Variants in AFG2A observed in about 807,000 individuals in gnomAD.
AFG2A encodes ATPase family gene 2 protein homolog A.
At chr4:122,977,560 C>G in the AFG2A span, among the ~76,000 whole-genome samples, 1 of 152,228 alleles carries the variant, frequency 6.6e-6, no homozygotes. Context: ...TATCACAGCT[C>G]TGATCACAGC....
At chr4:123,193,872 C>T in the AFG2A span, among the ~76,000 whole-genome samples, 3 of 152,064 alleles carry the variant, frequency 2.0e-5, no homozygotes, top group Non-Finnish European at 4.4e-5. Context: ...CTAAATCATT[C>T]TTGAAAACAG....
chr4:123,113,738 G>A, the AFG2A span, among the ~76,000 whole-genome samples: 1 of 152,200 alleles, frequency 6.6e-6, no homozygotes, highest in Admixed American at 6.5e-5. Context: ...GTGGCCAGTG[G>A]CGCCTTTGCC....
At chr4:123,277,561 A>G in the AFG2A span, among the ~76,000 whole-genome samples, 2 of 152,108 alleles carry the variant, frequency 1.3e-5, no homozygotes, top group Non-Finnish European at 2.9e-5. Flanking sequence ...GCTGTTTTTC[A>G]AGGAGAATGC....
At chr4:123,175,266 G>A in the AFG2A span, among the ~76,000 whole-genome samples, 4 of 152,006 alleles carry the variant, frequency 2.6e-5, no homozygotes, top group African/African-American at 4.8e-5. Flanking sequence ...ATAAGCAGAC[G>A]AGATAAATAT....
the AFG2A span, chr4:122,933,562 TC>T: frequency 7.7e-7 from 1 of 1,305,416 alleles, no homozygotes; most frequent in Non-Finnish European, 1.1e-6. Flanking sequence ...AAATAAAGTG[TC>T]TTTGAGGGCT....
chr4:123,133,369 C>G, the AFG2A span, among the ~76,000 whole-genome samples: 1 of 152,172 alleles, frequency 6.6e-6, no homozygotes, highest in South Asian at 2.1e-4. Flanking sequence ...TCTTGTGCAT[C>G]TGGCTAGCTG....
the AFG2A span, among the ~76,000 whole-genome samples, chr4:123,134,595 ATTTT>A: frequency 1.4e-4 from 18 of 132,692 alleles, no homozygotes; most frequent in South Asian, 1.7e-3. Flanking sequence ...GAATTTTAGG[ATTTT>A]TTTTTTTTTT....
the AFG2A span, among the ~76,000 whole-genome samples, chr4:123,076,778 T>C: frequency 5.1e-4 from 78 of 152,270 alleles, 1 homozygote; most frequent in Non-Finnish European, 8.7e-4. Flanking sequence ...ACACTGTCTT[T>C]AGCCTTATTT....
At chr4:123,089,311 T>G in the AFG2A span, among the ~76,000 whole-genome samples, 2 of 152,240 alleles carry the variant, frequency 1.3e-5, no homozygotes, top group Admixed American at 1.3e-4. Flanking sequence ...GAGGTGTGTT[T>G]CTTTGTCACA....
chr4:123,150,885 TA>T, the AFG2A span, among the ~76,000 whole-genome samples: 1 of 152,112 alleles, frequency 6.6e-6, no homozygotes, highest in Admixed American at 6.5e-5. Context: ...AAGGCTACAG[TA>T]ACCAAAGCAG....
At chr4:123,301,965 C>T in the AFG2A span, among the ~76,000 whole-genome samples, 1 of 152,132 alleles carries the variant, frequency 6.6e-6, no homozygotes, top group African/African-American at 2.4e-5. Context: ...ACCAGAGTCC[C>T]AAACTAGACT....
At chr4:123,259,013 C>T in the AFG2A span, among the ~76,000 whole-genome samples, 3 of 151,644 alleles carry the variant, frequency 2.0e-5, no homozygotes, top group Non-Finnish European at 4.4e-5. Flanking sequence ...ATTACAGGCA[C>T]CCACCACCAC....
At chr4:123,311,625 CAAAAAAAAAAAAAAAAA>C in the AFG2A span, among the ~76,000 whole-genome samples, 8 of 92,210 alleles carry the variant, frequency 8.7e-5, no homozygotes, top group African/African-American at 1.8e-4. Context: ...GACTCTGTCT[CAAAAAAAAAAAAAAAAA>C]AAAAAAAAAA....
At chr4:123,113,716 C>T in the AFG2A span, among the ~76,000 whole-genome samples, 3 of 152,180 alleles carry the variant, frequency 2.0e-5, no homozygotes, top group African/African-American at 7.2e-5. Context: ...GCTTTTCTGA[C>T]CAGCAACCTC....
chr4:123,040,434 T>C, the AFG2A span, among the ~76,000 whole-genome samples: 4 of 152,184 alleles, frequency 2.6e-5, no homozygotes, highest in African/African-American at 9.6e-5. Context: ...GAATTTTTCA[T>C]TTTTAAAGGG....
At chr4:122,962,458 T>C in the AFG2A span, among the ~76,000 whole-genome samples, 2 of 152,222 alleles carry the variant, frequency 1.3e-5, no homozygotes, top group Non-Finnish European at 2.9e-5. Flanking sequence ...AGAGATGGAA[T>C]TATTTTTATC....
chr4:123,159,608 A>G, the AFG2A span, among the ~76,000 whole-genome samples: 8,717 of 152,218 alleles, frequency 0.057, 848 homozygotes, highest in African/African-American at 0.2. Flanking sequence ...GGGAAGAAGC[A>G]GAGTAGAGGT....
At chr4:123,004,771 T>G in the AFG2A span, among the ~76,000 whole-genome samples, 1 of 152,204 alleles carries the variant, frequency 6.6e-6, no homozygotes, top group Non-Finnish European at 1.5e-5. Context: ...TTAGTTTTTA[T>G]TTGTTGGAAG....
the AFG2A span, among the ~76,000 whole-genome samples, chr4:122,923,726 G>T: frequency 6.6e-6 from 1 of 152,150 alleles, no homozygotes; most frequent in Admixed American, 6.5e-5. Flanking sequence ...TTTTCTTCCA[G>T]TACTACGCAG....
Sources: allele counts gnomAD v4.1 joint callset (sites outside exome capture counted in the v4.1 genomes callset), GRCh38; gene constraint gnomAD v4.1.1; transcripts MANE v1.5; gene names NCBI Gene and HGNC (gene_info 2026-07-23, HGNC 2026-07-21).